UVSSA: variants seen among roughly 807,000 people sequenced by gnomAD.
UVSSA encodes UV-stimulated scaffold protein A.
A neutral mutation model predicts 73.9 loss-of-function variants in UVSSA; 72 were observed. The ratio of observed to expected loss-of-function variants is 0.97; its 90% CI spans 0.81 to 1.19. UVSSA has a LOEUF of 1.19. UVSSA is among the 50% of genes most tolerant of loss of function. The pLI, the probability that UVSSA is intolerant of heterozygous loss-of-function variation, is 0.00. For synonymous variants in UVSSA, 454 were observed against 391.3 expected (o/e 1.16, Z -1.89); for missense variants, 1,150 against 965.0 (o/e 1.19, Z -2.54).
downstream of UVSSA, chr4:1,388,906 G>C (rs1201918093): frequency 6.6e-6 from 1 of 152,170 alleles, no homozygotes; most frequent in Non-Finnish European, 1.5e-5. Context: ...GTCTTTTTGT[G>C]ATGTCTTTAG....
Position 1,349,558 on chromosome 4 carries a change from C to T in UVSSA, c.133C>T (p.Leu45=), listed in dbSNP as rs752650116. The T allele has an allele frequency of 1.9e-6, 3 of 1,613,918 alleles. No homozygotes were observed. The highest frequency in any genetic ancestry group is 2.2e-5 in the East Asian group (1 of 44,886). Residue 45 remains leucine, a synonymous_variant, in exon 3 of 14, where the codon CTG becomes TTG. Transcript: ENST00000389851. ...SEEQLSRAYR[L]LIAQLTQEHA... ...GGAGCAGCTGAGCCGCGCCTACCGC[C>T]TGCTGATAGCACAGCTGACCCAGGA...
At chr4:1,382,257 C>T (rs1719595079) in intron 12 of UVSSA, among the ~76,000 whole-genome samples, 1 of 152,242 alleles carries the variant, frequency 6.6e-6, no homozygotes, top group Admixed American at 6.5e-5. Flanking sequence ...TTTTTTGTGT[C>T]AACCCTGAAG....
At chr4:1,363,708 C>A (rs543021267) in intron 7 of UVSSA, among the ~76,000 whole-genome samples, 1 of 152,182 alleles carries the variant, frequency 6.6e-6, no homozygotes, top group African/African-American at 2.4e-5. Flanking sequence ...GTTATTCAGA[C>A]GTGATGGATC....
intron 10 of UVSSA, among the ~76,000 whole-genome samples, chr4:1,378,888 A>G (rs1719095510): frequency 6.6e-6 from 1 of 152,216 alleles, no homozygotes; most frequent in Non-Finnish European, 1.5e-5. Flanking sequence ...TAGTGGGGCC[A>G]AGGCCCTGGG....
chr4:1,351,010 A>C (rs1714638825), intron 3 of UVSSA, among the ~76,000 whole-genome samples: 1 of 151,940 alleles, frequency 6.6e-6, no homozygotes, highest in Non-Finnish European at 1.5e-5. Flanking sequence ...GGTCCAAGTG[A>C]TCCTCCTGCC....
exon 14 of UVSSA, chr4:1,395,610 CGT>C: frequency 6.3e-7 from 1 of 1,599,294 alleles, no homozygotes; most frequent in Non-Finnish European, 8.5e-7. Flanking sequence ...TGCTCACACA[CGT>C]GCCCATGTGG....
In UVSSA at chr4:1,348,303, G is replaced by C. The variant is rs1714047089; in HGVS notation, c.98+114G>C. 6.2e-6 allele frequency: 5 copies of C among 801,264 alleles called. No homozygotes were observed. The East Asian group carries it at 1.3e-4, about 20-fold the overall frequency. The allele number at this position is 801,264 out of a possible 1,614,324, so 49.6% of individuals were successfully genotyped here. Reference sequence around the variant, plus strand: ...GAGAACCACCCGAGGGACACACCCAGGACATTTTCTCGGGGCCCTGCAGTA... The same window carrying C: ...GAGAACCACCCGAGGGACACACCCACGACATTTTCTCGGGGCCCTGCAGTA... On this transcript the variant is annotated intron_variant, in intron 2 of 13. Coordinates refer to ENST00000389851, the MANE Select transcript of UVSSA (RefSeq NM_020894.4).
At chr4:1,366,979 C>T (rs1717412807) in intron 8 of UVSSA, among the ~76,000 whole-genome samples, 2 of 152,214 alleles carry the variant, frequency 1.3e-5, no homozygotes, top group Admixed American at 1.3e-4. Context: ...GGAGCTGTTG[C>T]TGGCAGGTGG....
chr4:1,376,556 G>A (rs1718794096), intron 10 of UVSSA, among the ~76,000 whole-genome samples: 1 of 152,202 alleles, frequency 6.6e-6, no homozygotes, highest in South Asian at 2.1e-4. Flanking sequence ...AGCTGCTCAC[G>A]GTGACCGTGT....
intron 10 of UVSSA, among the ~76,000 whole-genome samples, chr4:1,377,631 G>C (rs537976780): frequency 2.0e-5 from 3 of 152,090 alleles, no homozygotes; most frequent in South Asian, 4.2e-4. Context: ...TGCCTGGCCC[G>C]TCCCCAGGAC....
At chr4:1,347,011 T>C (rs1029147373), upstream of UVSSA, among the ~76,000 whole-genome samples, 1 of 152,056 alleles carries the variant, frequency 6.6e-6, no homozygotes, top group Non-Finnish European at 1.5e-5. Flanking sequence ...GCTGTCGAGC[T>C]CAGGGCACGT....
Position 1,380,699 on chromosome 4 carries a change from G to A in UVSSA, c.1753-181G>A, listed in dbSNP as rs976320907. 5.8e-6 allele frequency: 9 copies of A among 1,542,520 alleles called. No individual in the cohort carries two copies. The East Asian group carries it at 9.9e-5, about 17-fold the overall frequency. ...AGAGGAGGGACGGAGCCATCCCCAC[G>A]TCCCTGTGGCTCTCAGGACGCCCTC... is the stretch of plus-strand genomic sequence containing the variant. On this transcript the variant is annotated intron_variant, in intron 11 of 13. Coordinates refer to ENST00000389851, the MANE Select transcript of UVSSA (RefSeq NM_020894.4).
At chr4:1,357,250 C>T (rs12648527) in intron 7 of UVSSA, among the ~76,000 whole-genome samples, 686 of 103,784 alleles carry the variant, frequency 6.6e-3, no homozygotes, top group Middle Eastern at 0.012. Flanking sequence ...TGAGGGTCCA[C>T]AGAGCAGAGG....
At chr4:1,368,919 C>T (rs1160206339) in intron 8 of UVSSA, among the ~76,000 whole-genome samples, 2 of 152,226 alleles carry the variant, frequency 1.3e-5, no homozygotes, top group Non-Finnish European at 2.9e-5. Context: ...CAAGCCTCCT[C>T]CACTGCATGG....
chr4:1,383,030 G>GCCTGGGCCTGTGACCC (rs1719688669), intron 12 of UVSSA, among the ~76,000 whole-genome samples: 1 of 152,238 alleles, frequency 6.6e-6, no homozygotes. Flanking sequence ...CCCACAGGAA[G>GCCTGGGCCTGTGACCC]CCTGGGCCTG....
intron 8 of UVSSA, among the ~76,000 whole-genome samples, chr4:1,374,185 C>G (rs1040441847): frequency 5.3e-5 from 8 of 152,362 alleles, no homozygotes; most frequent in South Asian, 2.1e-4. Context: ...CCTGAGCCCC[C>G]CTGGCCGGCA....
intron 7 of UVSSA, among the ~76,000 whole-genome samples, chr4:1,363,075 G>T (rs776151473): frequency 2.0e-5 from 3 of 151,472 alleles, no homozygotes; most frequent in East Asian, 3.9e-4. Flanking sequence ...TTTAGTATCC[G>T]CAGTGAAGCC....
In UVSSA at chr4:1,375,391, C is replaced by G. The variant is rs748209837; in HGVS notation, c.1316C>G (p.Thr439Arg). 1 of 1,613,624 alleles carries G rather than the reference C, an allele frequency of 6.2e-7. No homozygotes were observed. The highest frequency in any genetic ancestry group is 8.5e-7 in the Non-Finnish European group (1 of 1,180,008). The part of the protein sequence containing the change: ...YGLEAAPEKD[T>R]VVRCLRTRTR... ...CTGGAGGCAGCACCAGAGAAAGACA[C>G]AGTTGTGCGGTGCTTGCGGACGAGG... The change falls in exon 9 of 14, where the codon ACA (threonine) becomes AGA (arginine). Residue 439 changes from threonine to arginine, a missense_variant. Physicochemically the swap from Thr to Arg is moderately conservative, Grantham distance 71. Coordinates refer to ENST00000389851, the MANE Select transcript of UVSSA (RefSeq NM_020894.4).
chr4:1,391,361 A>G (rs4974619), downstream of UVSSA: 45,905 of 152,084 alleles, frequency 0.3, 8,027 homozygotes, highest in Non-Finnish European at 0.4. Context: ...TTGTAGTCTG[A>G]TTGTTTATGT....
Sources: gnomAD v4.1 joint callset for allele counts (sites outside exome capture counted in the v4.1 genomes callset) on GRCh38, gnomAD v4.1.1 for gene constraint, MANE v1.5 for transcripts, NCBI Gene and HGNC (gene_info 2026-07-23, HGNC 2026-07-21) for gene names.